CSMD3: variants seen among roughly 807,000 people sequenced by gnomAD.
The protein encoded by CSMD3 is CUB and Sushi multiple domains 3.
Under a neutral mutation model 435.2 loss-of-function variants are expected in CSMD3, and 177 were observed. The observed-to-expected ratio is 0.41, with a 90% confidence interval of 0.36 to 0.46. CSMD3 has a LOEUF of 0.46. Among genes scored for constraint, CSMD3 ranks in the 20% least tolerant of loss-of-function variants. CSMD3 has a pLI of 0.34. For synonymous variants in CSMD3, 1,656 were observed against 1,520.5 expected (o/e 1.09, Z -2.07); for missense variants, 4,265 against 4,504.6 (o/e 0.95, Z 1.52).
At chr8:113,058,473 T>C (rs1292174951) in intron 5 of CSMD3, among the ~76,000 whole-genome samples, 3 of 151,966 alleles carry the variant, frequency 2.0e-5, no homozygotes, top group Non-Finnish European at 4.4e-5. Flanking sequence ...TGATGTAGGA[T>C]AGTACAGAAA....
intron 5 of CSMD3, among the ~76,000 whole-genome samples, chr8:113,030,023 T>C (rs186625566): frequency 3.3e-4 from 50 of 151,434 alleles, no homozygotes; most frequent in African/African-American, 1.1e-3. Flanking sequence ...ACCCCTTTTA[T>C]AATAGCTGCA....
intron 9 of CSMD3, among the ~76,000 whole-genome samples, chr8:112,943,526 T>A (rs1357353417): frequency 1.3e-5 from 2 of 151,584 alleles, no homozygotes; most frequent in African/African-American, 4.8e-5. Flanking sequence ...GTAATCACAA[T>A]CTAATGTTCC....
intron 10 of CSMD3, among the ~76,000 whole-genome samples, chr8:112,872,168 CA>C (rs1258705673): frequency 6.6e-6 from 1 of 151,994 alleles, no homozygotes; most frequent in Non-Finnish European, 1.5e-5. Flanking sequence ...TTTAAATCAG[CA>C]TCTGGAACTA....
At chr8:113,323,922 T>C (rs746648387) in intron 1 of CSMD3, among the ~76,000 whole-genome samples, 12 of 152,204 alleles carry the variant, frequency 7.9e-5, no homozygotes, top group Non-Finnish European at 1.6e-4. Flanking sequence ...GTTTTATCAA[T>C]ACATGAATGA....
At chr8:113,353,653 C>T (rs945394387) in intron 1 of CSMD3, among the ~76,000 whole-genome samples, 1 of 152,096 alleles carries the variant, frequency 6.6e-6, no homozygotes, top group African/African-American at 2.4e-5. Flanking sequence ...TTGCCTTTCT[C>T]ACGAGTTCTG....
At chr8:113,028,191 G>A (rs920669913) in intron 5 of CSMD3, among the ~76,000 whole-genome samples, 1 of 152,058 alleles carries the variant, frequency 6.6e-6, no homozygotes, top group African/African-American at 2.4e-5. Flanking sequence ...TTATGGTGAT[G>A]TATAAACAAT....
At position 112,913,477 on chromosome 8, in the gene CSMD3, G is replaced by A. The variant is rs1019852555; in HGVS notation, c.1633+8150C>T. 2.0e-5 allele frequency among the ~76,000 whole-genome samples: 3 copies of A among 151,850 alleles called. No homozygotes were observed. In the East Asian group the frequency reaches 5.9e-4, roughly 30 times the overall value. On this transcript the variant is annotated intron_variant, in intron 10 of 70. Transcript: ENST00000297405. Reference sequence around the variant, plus strand: ...AGACCACAACAGGTCTGTGCTGGGAGGCTTAGAGGAGCACTCCTTTTTTGT... The same window carrying A: ...AGACCACAACAGGTCTGTGCTGGGAAGCTTAGAGGAGCACTCCTTTTTTGT...
chr8:112,732,987 C>A (rs1190476999), intron 13 of CSMD3, among the ~76,000 whole-genome samples: 2 of 152,024 alleles, frequency 1.3e-5, no homozygotes, highest in African/African-American at 4.8e-5. Context: ...GATCTAAGAG[C>A]AGAATGTCTT....
At chr8:112,765,796 C>T (rs1027998479) in intron 13 of CSMD3, among the ~76,000 whole-genome samples, 2 of 151,690 alleles carry the variant, frequency 1.3e-5, no homozygotes, top group Admixed American at 6.6e-5. Flanking sequence ...TGTATTTCTA[C>T]TCGGAAAGAT....
At chr8:113,300,656 A>T (rs1445880082) in intron 2 of CSMD3, among the ~76,000 whole-genome samples, 1 of 152,100 alleles carries the variant, frequency 6.6e-6, no homozygotes, top group Non-Finnish European at 1.5e-5. Flanking sequence ...ACAGACATAC[A>T]GATGGGAACA....
chr8:112,494,325 T>TTTTC (rs1481628954), intron 30 of CSMD3, among the ~76,000 whole-genome samples: 4 of 1,150 alleles, frequency 3.5e-3, no homozygotes, highest in Admixed American at 0.026. Flanking sequence ...CTCCTTTCTT[T>TTTTC]CTTCCTTTCT....
At chr8:113,393,023 A>T (rs1225866281) in intron 1 of CSMD3, among the ~76,000 whole-genome samples, 1 of 151,728 alleles carries the variant, frequency 6.6e-6, no homozygotes, top group Non-Finnish European at 1.5e-5. Context: ...TTTTACATAT[A>T]TATAAAACCA....
chr8:112,809,505 T>G (rs1211567509), intron 12 of CSMD3, among the ~76,000 whole-genome samples: 1 of 152,244 alleles, frequency 6.6e-6, no homozygotes, highest in South Asian at 2.1e-4. Flanking sequence ...AGTGAGCTTA[T>G]GCTCATAGAC....
At chr8:112,870,500 T>C (rs1306223815) in intron 10 of CSMD3, among the ~76,000 whole-genome samples, 1 of 151,840 alleles carries the variant, frequency 6.6e-6, no homozygotes, top group Non-Finnish European at 1.5e-5. Context: ...ATGGTCTCGA[T>C]CTTCTGACCT....
intron 22 of CSMD3, among the ~76,000 whole-genome samples, chr8:112,600,778 C>T (rs1832274483): frequency 6.6e-6 from 1 of 151,864 alleles, no homozygotes; most frequent in Non-Finnish European, 1.5e-5. Context: ...CCCAAGTTCA[C>T]GCCATTCTCC....
chr8:113,220,832 G>C (rs2092958031), intron 3 of CSMD3, among the ~76,000 whole-genome samples: 1 of 151,310 alleles, frequency 6.6e-6, no homozygotes, highest in Non-Finnish European at 1.5e-5. Context: ...TTGCCACTAA[G>C]GGATCTATGT....
At chr8:113,375,546 C>CACACAT (rs1554623680) in intron 1 of CSMD3, among the ~76,000 whole-genome samples, 14 of 147,420 alleles carry the variant, frequency 9.5e-5, no homozygotes, top group Admixed American at 8.8e-4. Flanking sequence ...CACACACACA[C>CACACAT]GTGTCATGCC....
At chr8:113,410,047 T>C (rs1172052332) in intron 1 of CSMD3, among the ~76,000 whole-genome samples, 1 of 152,220 alleles carries the variant, frequency 6.6e-6, no homozygotes, top group Non-Finnish European at 1.5e-5. Context: ...TACTGCCTTA[T>C]ATTCACTGTC....
At chr8:112,880,711 A>C (rs2081423363) in intron 10 of CSMD3, among the ~76,000 whole-genome samples, 3 of 151,956 alleles carry the variant, frequency 2.0e-5, no homozygotes, top group South Asian at 4.1e-4. Flanking sequence ...AGGCTACTAC[A>C]GTTGTTGGAT....
Sources: gnomAD v4.1 joint callset for allele counts (sites outside exome capture counted in the v4.1 genomes callset) on GRCh38, gnomAD v4.1.1 for gene constraint, MANE v1.5 for transcripts, NCBI Gene and HGNC (gene_info 2026-07-23, HGNC 2026-07-21) for gene names.